Variants in EOGT observed in about 807,000 individuals in gnomAD.
The protein encoded by EOGT is EGF domain specific O-linked N-acetylglucosamine transferase, also known as EGF domain-specific O-linked N-acetylglucosamine transferase.
Under a neutral mutation model 70.5 loss-of-function variants are expected in EOGT, and 55 were observed. The observed-to-expected ratio is 0.78, with a 90% CI of 0.63 to 0.98. The LOEUF (loss-of-function observed/expected upper bound fraction) is 0.98, where lower values mean the gene tolerates loss of function less well. EOGT is among the 50% of genes least tolerant of loss of function. The probability of loss-of-function intolerance (pLI) is 0.00; values close to 1 mark genes in which losing one functional copy is unlikely to be tolerated. For synonymous variants in EOGT, 246 were observed against 217.1 expected, an observed-to-expected ratio of 1.13 and a Z score of -1.17; for missense variants, 703 against 641.9, an observed-to-expected ratio of 1.10 and a Z score of -1.03.
chr3:68,988,834 C>A, intron 11 of EOGT, 91 bp downstream of exon 11: 3 of 696,098 alleles, frequency 4.3e-6, no homozygotes, highest in South Asian at 2.1e-5. Flanking sequence ...GTGGTAATGG[C>A]TAATAGGAAC....
At chr3:69,001,748 G>T in intron 8 of EOGT, 34 bp from the exon 9 acceptor site, 1 of 1,424,610 alleles carries the variant, frequency 7.0e-7, no homozygotes, top group Non-Finnish European at 9.9e-7. Context: ...ACTTCAAACT[G>T]ATTCTCCCAA....
intron 14 of EOGT, among the ~76,000 whole-genome samples, chr3:68,983,862 C>T (rs2090724011): frequency 6.6e-6 from 1 of 152,128 alleles, no homozygotes; most frequent in African/African-American, 2.4e-5. Context: ...ACTCGGGAGG[C>T]TAAGAGAAGA....
intron 14 of EOGT, among the ~76,000 whole-genome samples, chr3:68,986,296 C>G (rs12496849): frequency 0.36 from 55,246 of 152,018 alleles, 10,528 homozygotes; most frequent in East Asian, 0.55. Flanking sequence ...GTAACCTAAC[C>G]TGTTCACAGA....
chr3:68,998,183 T>C, intron 9 of EOGT, 69 bp from the exon 10 acceptor site: 1 of 818,758 alleles, frequency 1.2e-6, no homozygotes, highest in South Asian at 1.6e-5. Flanking sequence ...TTTTATTCTA[T>C]CCCATCTATT....
At chr3:68,987,049 G>A (rs532321106) in intron 14 of EOGT, among the ~76,000 whole-genome samples, 1 of 152,312 alleles carries the variant, frequency 6.6e-6, no homozygotes, top group African/African-American at 2.4e-5. Flanking sequence ...TCATGTAAGA[G>A]GACAGAGATT....
chr3:69,004,860 T>C (rs978660154), intron 7 of EOGT, among the ~76,000 whole-genome samples: 28 of 152,018 alleles, frequency 1.8e-4, no homozygotes, highest in African/African-American at 6.8e-4. Flanking sequence ...ACTCAGGAGT[T>C]TGAGACCCGC....
chr3:68,999,310 T>G (rs552555914), intron 9 of EOGT, among the ~76,000 whole-genome samples: 33 of 152,302 alleles, frequency 2.2e-4, no homozygotes, highest in Admixed American at 1.7e-3. Context: ...GAACTACTAT[T>G]TGTAAGTTCA....
intron 10 of EOGT, among the ~76,000 whole-genome samples, chr3:68,990,187 A>G (rs2090950213): frequency 6.6e-6 from 1 of 151,960 alleles, no homozygotes; most frequent in South Asian, 2.1e-4. Context: ...CATTTTCTCT[A>G]TTTTGCAGAT....
rs2090513546 is a variant in EOGT, at chr3:68,977,768, T to C, written c.1438-4A>G. ...CCCCCAGGGTTGGATGGTGGCCCTG[T>C]GAAAATAAACCAAAACACGAATCCA... is the stretch of plus-strand genomic sequence containing the variant. On this transcript the variant is annotated splice_region_variant and splice_polypyrimidine_tract_variant and intron_variant, in intron 17 of 17. Coordinates refer to ENST00000383701, the MANE Select transcript of EOGT (RefSeq NM_001278689.2). The C allele has an allele frequency of 1.2e-6, 2 of 1,606,938 alleles. No homozygotes were observed. Among genetic ancestry groups the C allele is most frequent in the South Asian group, 2.2e-5 (2 of 89,684 alleles).
Position 69,005,232 on chromosome 3 carries a change from A to C in EOGT, c.423T>G (p.Ser141Arg), listed in dbSNP as rs200196171. The C allele has an allele frequency of 8.3e-6, 13 of 1,572,286 alleles. No individual in the cohort carries two copies. The highest frequency in any genetic ancestry group is 1.7e-5 in the Admixed American group (1 of 58,472). ...MHVLCQPKET[S>R]DSSLVCSRYL... The stretch of plus-strand genomic sequence containing the variant: ...AACGGGAACACACCAGACTTGAGTC[A>C]CTCTGAAGGTTGAGCAAAAGAAAAG... Residue 141 changes from serine to arginine, a missense_variant and splice_region_variant, in exon 7 of 18, where the codon AGT (serine) becomes AGG (arginine). Physicochemically the swap from Ser to Arg is moderately radical, Grantham distance 110. Transcript: ENST00000383701.
intron 6 of EOGT, among the ~76,000 whole-genome samples, chr3:69,005,472 G>C (rs187447690): frequency 6.6e-6 from 1 of 151,982 alleles, no homozygotes; most frequent in African/African-American, 2.4e-5. Flanking sequence ...ACTCCCCAAC[G>C]ATCTGTCACC....
At chr3:68,989,310 T>C (rs2090909162) in intron 10 of EOGT, among the ~76,000 whole-genome samples, 1 of 152,214 alleles carries the variant, frequency 6.6e-6, no homozygotes. Context: ...GGCTTTTTCC[T>C]GTGAACATCT....
At chr3:69,009,087 A>G (rs778276122) in intron 4 of EOGT, among the ~76,000 whole-genome samples, 1 of 152,138 alleles carries the variant, frequency 6.6e-6, no homozygotes, top group South Asian at 2.1e-4. Context: ...CTGCTTTTCC[A>G]TATGCTTCCT....
chr3:69,011,193 C>CTTTTT (rs57904466), intron 3 of EOGT, among the ~76,000 whole-genome samples: 34 of 113,268 alleles, frequency 3.0e-4, no homozygotes, highest in East Asian at 1.1e-3. Context: ...GATCTTTGTT[C>CTTTTT]TTTTTTTTTT....
intron 1 of EOGT, among the ~76,000 whole-genome samples, chr3:69,013,352 A>AGGGGCCGGGCGCCC (rs1378318704): frequency 2.0e-5 from 3 of 151,136 alleles, no homozygotes; most frequent in South Asian, 2.1e-4. Flanking sequence ...GGCGCTGGGA[A>AGGGGCCGGGCGCCC]GGGGCCGGGC....
rs778646449 is a variant in EOGT at position 68,998,014 on chromosome 3, G to A, written c.828C>T (p.Asp276=). ...CGGAGAGCACATTCTTACTTACGGTGTCCCACATCACGATGTACACGTCAG... is the reference window on the plus strand; with the variant it reads ...CGGAGAGCACATTCTTACTTACGGTATCCCACATCACGATGTACACGTCAG... ...FSTDVYIVMW[D]TSSYGYGDLF... The change falls in exon 10 of 18, where the codon GAC becomes GAT. Residue 276 remains aspartate (D), a synonymous_variant. Coordinates refer to ENST00000383701, the MANE Select transcript of EOGT (RefSeq NM_001278689.2). The A allele has an allele frequency of 1.3e-6, 2 of 1,520,108 alleles. No individual in the cohort carries two copies. The highest frequency in any genetic ancestry group is 2.4e-5 in the South Asian group (2 of 82,502). 94.2% of individuals were successfully genotyped at this position (1,520,108 alleles called of 1,614,324 possible).
rs2090501433 is a variant in EOGT at position 68,977,418 on chromosome 3, C to T, written c.*200G>A. The T allele has an allele frequency of 2.0e-6, 1 of 508,746 alleles. No individual in the cohort carries two copies. Among genetic ancestry groups the T allele is most frequent in the Non-Finnish European group, 3.3e-6 (1 of 299,056 alleles). The allele number at this position is 508,746 out of a possible 1,614,324, so 31.5% of individuals were successfully genotyped here. A position where few individuals can be genotyped will look rare whatever the true frequency, so the allele number is the denominator to read the frequency against. ...AAAAGTTTTCAGTGCAAAATTATTG[C>T]TATTGATAAATAGCAATGACACAAA... On this transcript the variant is annotated 3_prime_UTR_variant, in exon 18 of 18. Coordinates refer to ENST00000383701, the MANE Select transcript of EOGT (RefSeq NM_001278689.2).
chr3:68,998,364 T>C (rs575313065), intron 9 of EOGT, among the ~76,000 whole-genome samples: 4 of 152,346 alleles, frequency 2.6e-5, no homozygotes, highest in African/African-American at 7.2e-5. Context: ...TTTTCCCATA[T>C]ATCCCAAGTA....
At chr3:68,994,952 G>T (rs2091103906) in intron 10 of EOGT, among the ~76,000 whole-genome samples, 1 of 152,212 alleles carries the variant, frequency 6.6e-6, no homozygotes, top group Non-Finnish European at 1.5e-5. Context: ...ATGCATGTTT[G>T]CAGGTTGGTG....
Sources: gnomAD v4.1 joint callset for allele counts (sites outside exome capture counted in the v4.1 genomes callset) on GRCh38, gnomAD v4.1.1 for gene constraint, MANE v1.5 for transcripts, NCBI Gene and HGNC (gene_info 2026-07-23, HGNC 2026-07-21) for gene names.